Variants in PCLO observed in about 807,000 individuals in gnomAD.
The protein encoded by PCLO is protein piccolo.
In PCLO, 82 loss-of-function variants were observed where a neutral mutation model predicts 427.5. The observed-to-expected ratio is 0.19, with a 90% CI of 0.16 to 0.23. The LOEUF (loss-of-function observed/expected upper bound fraction) is 0.23, where lower values mean the gene tolerates loss of function less well. Ranked by LOEUF, PCLO falls within the 10% of genes least tolerant of loss-of-function variation. The pLI, the probability that PCLO is intolerant of heterozygous loss-of-function variation, is 1.00. For missense variants in PCLO, 6,239 were observed against 6,115.9 expected (o/e 1.02, Z -0.67); for synonymous variants, 2,357 against 2,155.4 (o/e 1.09, Z -2.59).
chr7:82,800,506 T>C (rs1791323612), intron 22 of PCLO, among the ~76,000 whole-genome samples: 1 of 152,174 alleles, frequency 6.6e-6, no homozygotes, highest in Non-Finnish European at 1.5e-5. Flanking sequence ...AGACAGTGCA[T>C]GAAAAGTACT....
Position 82,976,047 on chromosome 7 carries a change from G to A in PCLO, c.3301-9560C>T, listed in dbSNP as rs192410664. 2.6e-5 allele frequency among the ~76,000 whole-genome samples: 4 copies of A among 152,260 alleles called. No individual in the cohort carries two copies. The South Asian group carries it at 8.3e-4, about 32-fold the overall frequency. The stretch of plus-strand genomic sequence containing the variant: ...AACTGTCTAATACAGTTTATCACAG[G>A]AAATATTTTGTATGGGATTTGGCAG... On this transcript the variant is annotated intron_variant, in intron 3 of 24. Coordinates refer to ENST00000333891, the MANE Select transcript of PCLO (RefSeq NM_033026.6).
chr7:82,986,121 G>C (rs560132803), intron 3 of PCLO, among the ~76,000 whole-genome samples: 2 of 151,922 alleles, frequency 1.3e-5, no homozygotes, highest in African/African-American at 4.8e-5. Flanking sequence ...ATGAGGTTAT[G>C]ACTACATTCA....
chr7:82,978,062 AATAG>A (rs1257350120), intron 3 of PCLO, among the ~76,000 whole-genome samples: 2 of 152,122 alleles, frequency 1.3e-5, no homozygotes, highest in South Asian at 2.1e-4. Flanking sequence ...TATTGCTAAT[AATAG>A]ATAAACATAA....
chr7:82,808,119 T>G (rs1180809689), intron 20 of PCLO, among the ~76,000 whole-genome samples: 2 of 151,956 alleles, frequency 1.3e-5, no homozygotes, highest in Non-Finnish European at 2.9e-5. Context: ...CTGTCATACT[T>G]TTTGATGGGA....
chr7:82,829,839 A>T (rs1364385454), intron 16 of PCLO, among the ~76,000 whole-genome samples: 1 of 152,086 alleles, frequency 6.6e-6, no homozygotes, highest in East Asian at 1.9e-4. Context: ...CAATAGAAGA[A>T]CGAATAAATA....
intron 1 of PCLO, 146 bp downstream of exon 1, chr7:83,162,199 G>T: frequency 1.1e-6 from 1 of 887,200 alleles, no homozygotes; most frequent in Non-Finnish European, 1.7e-6. Context: ...CAAGGCTTAG[G>T]ATCTCTCTAT....
intron 2 of PCLO, among the ~76,000 whole-genome samples, chr7:83,151,940 C>T (rs960274828): frequency 6.6e-5 from 10 of 151,458 alleles, no homozygotes; most frequent in African/African-American, 2.4e-4. Flanking sequence ...ACTCTGTGAA[C>T]TGAAAAGCCC....
chr7:82,943,265 C>T (rs548874749), intron 6 of PCLO, among the ~76,000 whole-genome samples: 1 of 152,126 alleles, frequency 6.6e-6, no homozygotes, highest in Non-Finnish European at 1.5e-5. Context: ...AAGAAGTTTG[C>T]CTATTACTAA....
chr7:82,760,019 T>C (rs1200615849), intron 24 of PCLO, among the ~76,000 whole-genome samples: 5 of 151,924 alleles, frequency 3.3e-5, no homozygotes, highest in African/African-American at 9.7e-5. Flanking sequence ...TGGAGTATTG[T>C]GATAGATGGC....
At chr7:82,793,439 C>T (rs1791149437) in intron 22 of PCLO, among the ~76,000 whole-genome samples, 1 of 152,104 alleles carries the variant, frequency 6.6e-6, no homozygotes, top group Non-Finnish European at 1.5e-5. Flanking sequence ...TACAGGCTGG[C>T]TCTTCTGCTA....
intron 24 of PCLO, among the ~76,000 whole-genome samples, chr7:82,759,933 C>A (rs6959361): frequency 0.42 from 63,195 of 151,660 alleles, 13,618 homozygotes; most frequent in East Asian, 0.58. Context: ...TGATAGCCTA[C>A]TAATAGAAGC....
Position 82,841,523 on chromosome 7 carries a change from G to T in PCLO, c.14047-14C>A, listed in dbSNP as rs764528188. 3.5e-6 allele frequency: 5 copies of T among 1,446,578 alleles called. No homozygotes were observed. The East Asian group carries it at 9.1e-5, about 26-fold the overall frequency. The allele number at this position is 1,446,578 out of a possible 1,614,324, so 89.6% of individuals were successfully genotyped here. A position where few individuals can be genotyped will look rare whatever the true frequency, so the allele number is the denominator to read the frequency against. ...TCCATCGGTAGGCTGTAATATTAAA[G>T]AACATATATTACATTAATAGATACA... is the stretch of plus-strand genomic sequence containing the variant. On this transcript the variant is annotated splice_polypyrimidine_tract_variant and intron_variant, in intron 13 of 24. Transcript: ENST00000333891.
intron 3 of PCLO, among the ~76,000 whole-genome samples, chr7:83,014,561 G>A (rs1161750788): frequency 6.6e-6 from 1 of 151,864 alleles, no homozygotes; most frequent in East Asian, 1.9e-4. Flanking sequence ...AAGTCACAAG[G>A]GAGTAGAAAG....
At chr7:83,074,735 C>T (rs1016758847) in intron 3 of PCLO, among the ~76,000 whole-genome samples, 1 of 152,078 alleles carries the variant, frequency 6.6e-6, no homozygotes, top group African/African-American at 2.4e-5. Context: ...AACAAACAAA[C>T]ATTAAAATCC....
intron 9 of PCLO, among the ~76,000 whole-genome samples, chr7:82,884,958 T>G (rs1183944805): frequency 6.6e-6 from 1 of 152,214 alleles, no homozygotes; most frequent in Non-Finnish European, 1.5e-5. Context: ...AAAAATACTA[T>G]TCTAATTCAA....
intron 20 of PCLO, among the ~76,000 whole-genome samples, chr7:82,815,369 T>C (rs16887368): frequency 0.038 from 5,812 of 152,106 alleles, 382 homozygotes; most frequent in African/African-American, 0.13. Context: ...TCAATAGTTA[T>C]TGACTTTATT....
intron 3 of PCLO, among the ~76,000 whole-genome samples, chr7:82,978,989 G>T (rs1372838405): frequency 6.6e-6 from 1 of 151,862 alleles, no homozygotes. Flanking sequence ...ATATGCAAAA[G>T]ATAAATATCA....
intron 22 of PCLO, among the ~76,000 whole-genome samples, chr7:82,796,351 C>T (rs2129468534): frequency 6.6e-6 from 1 of 152,132 alleles, no homozygotes; most frequent in South Asian, 2.1e-4. Flanking sequence ...AAATCACACC[C>T]CAAATAGGAG....
chr7:82,771,691 T>G (rs2129467850), intron 22 of PCLO, among the ~76,000 whole-genome samples: 1 of 152,202 alleles, frequency 6.6e-6, no homozygotes, highest in South Asian at 2.1e-4. Context: ...CCAGGATTAT[T>G]GGCAAAATTG....
Sources: allele counts gnomAD v4.1 joint callset (sites outside exome capture counted in the v4.1 genomes callset), GRCh38; gene constraint gnomAD v4.1.1; transcripts MANE v1.5; gene names NCBI Gene and HGNC (gene_info 2026-07-23, HGNC 2026-07-21).